Variants in INTU observed in about 807,000 individuals in gnomAD.
INTU encodes protein inturned.
A neutral mutation model predicts 100.5 loss-of-function variants in INTU; 68 were observed. That is an observed-to-expected ratio of 0.68 (90% CI 0.56 to 0.83). INTU has a LOEUF of 0.83. INTU is among the 40% of genes least tolerant of loss of function. The pLI is 0.00. For synonymous variants in INTU, 357 were observed against 395.7 expected (o/e 0.90, Z 1.16); for missense variants, 1,071 against 1,114.7 (o/e 0.96, Z 0.56).
rs140878220 is a variant in INTU at position 127,706,578 on chromosome 4, A to G, written c.1880A>G (p.Gln627Arg). The change falls in exon 12 of 16, where the codon CAA becomes CGA. Residue 627 changes from glutamine (Q) to arginine (R), a missense_variant. Transcript: ENST00000335251. ...SPGPDCVYVD[Q>R]VKTTLHQLDG... ...GGACCAGACTGTGTATATGTGGATCAAGTCAAAACAACTCTTCACCAGCTG... is the reference window on the plus strand; with the variant it reads ...GGACCAGACTGTGTATATGTGGATCGAGTCAAAACAACTCTTCACCAGCTG... 698 of 1,614,060 alleles carry G rather than the reference A, an allele frequency of 4.3e-4. 4 individuals carry two copies. In the South Asian group the frequency reaches 5.1e-3, roughly 12 times the overall value.
chr4:127,669,051 C>G lies in INTU; in HGVS notation c.988C>G (p.His330Asp). The change falls in exon 5 of 16, where the codon CAT (histidine) becomes GAT (aspartate). Residue 330 changes from histidine (H) to aspartate (D), a missense_variant. Transcript: ENST00000335251. Reference sequence around the variant, plus strand: ...CATTTAACAGCAGGAAATTCTTTATCATTATCCAATGTCTGAAGCATCTCA... The same window carrying G: ...CATTTAACAGCAGGAAATTCTTTATGATTATCCAATGTCTGAAGCATCTCA... The part of the protein sequence containing the change: ...TSKEEQEILY[H>D]YPMSEASQKL... 1.4e-6 allele frequency: 2 copies of G among 1,473,934 alleles called. No individual in the cohort carries two copies. The highest frequency in any genetic ancestry group is 1.9e-6 in the Non-Finnish European group (2 of 1,081,006). 91.3% of individuals were successfully genotyped at this position (1,473,934 alleles called of 1,614,324 possible).
intron 1 of INTU, among the ~76,000 whole-genome samples, chr4:127,635,798 A>G (rs1191663087): frequency 6.6e-6 from 1 of 152,206 alleles, no homozygotes; most frequent in African/African-American, 2.4e-5. Context: ...TACCTACTTA[A>G]GTCCATTTAT....
chr4:127,664,591 A>G (rs964390778), intron 4 of INTU, among the ~76,000 whole-genome samples: 1 of 152,082 alleles, frequency 6.6e-6, no homozygotes, highest in Non-Finnish European at 1.5e-5. Flanking sequence ...GGAGAAAACT[A>G]AACTTTTTGA....
At chr4:127,709,355 A>G (rs972596309) in intron 13 of INTU, among the ~76,000 whole-genome samples, 4 of 152,054 alleles carry the variant, frequency 2.6e-5, no homozygotes, top group African/African-American at 9.7e-5. Context: ...GTTTTTCCCA[A>G]GAGTACTTCC....
At chr4:127,657,945 A>C (rs934715540) in intron 3 of INTU, among the ~76,000 whole-genome samples, 3 of 152,190 alleles carry the variant, frequency 2.0e-5, no homozygotes, top group Non-Finnish European at 4.4e-5. Flanking sequence ...ATCGTCTTGC[A>C]TGAAACCAGG....
intron 14 of INTU, among the ~76,000 whole-genome samples, chr4:127,711,816 G>A (rs945184885): frequency 2.0e-5 from 3 of 152,180 alleles, no homozygotes; most frequent in African/African-American, 7.2e-5. Context: ...GGACTGCTGG[G>A]TTAAGGTACA....
At chr4:127,696,960 C>A (rs1730419084) in intron 8 of INTU, among the ~76,000 whole-genome samples, 1 of 152,102 alleles carries the variant, frequency 6.6e-6, no homozygotes, top group Non-Finnish European at 1.5e-5. Flanking sequence ...TATTAAACCT[C>A]ACTGTTTTAG....
intron 8 of INTU, chr4:127,699,524 T>C (rs1730552234): frequency 6.6e-6 from 1 of 152,228 alleles, no homozygotes; most frequent in South Asian, 2.1e-4. Context: ...CAGGGAAGAA[T>C]GTTGATATTT....
intron 9 of INTU, among the ~76,000 whole-genome samples, chr4:127,701,846 C>T (rs891078751): frequency 6.6e-6 from 1 of 152,018 alleles, no homozygotes; most frequent in African/African-American, 2.4e-5. Context: ...AGAAGATCGC[C>T]AGTGAAAGTG....
At position 127,712,761 on chromosome 4, in the gene INTU, T is replaced by G. The variant is rs146105090; in HGVS notation, c.2560-1175T>G. Among the ~76,000 whole-genome samples, 946 of 152,308 alleles carry G rather than the reference T, an allele frequency of 6.2e-3. 13 individuals carry two copies. The highest frequency in any genetic ancestry group is 0.022 in the African/African-American group (905 of 41,576). On this transcript the variant is annotated intron_variant, in intron 14 of 15. Transcript: ENST00000335251. ...CCATGTGGCTCTCTGGGGACAGAGC[T>G]TCCAGCAAGGGGAACAGCAAATGCA...
At chr4:127,655,537 G>A (rs1250939954) in intron 2 of INTU, among the ~76,000 whole-genome samples, 3 of 151,582 alleles carry the variant, frequency 2.0e-5, no homozygotes, top group Admixed American at 2.0e-4. Context: ...GGCTGCTCGG[G>A]GGTCAGGGGT....
chr4:127,648,370 G>C (rs375710870), intron 2 of INTU, among the ~76,000 whole-genome samples: 85 of 152,160 alleles, frequency 5.6e-4, no homozygotes, highest in African/African-American at 2.0e-3. Flanking sequence ...TCATAGAATG[G>C]GAAAATTTTC....
At chr4:127,650,635 G>A (rs566274677) in intron 2 of INTU, among the ~76,000 whole-genome samples, 13 of 151,934 alleles carry the variant, frequency 8.6e-5, no homozygotes, top group African/African-American at 2.9e-4. Flanking sequence ...GGACATTTGG[G>A]TTGGTTCCAA....
Position 127,710,868 on chromosome 4 carries a change from A to G in INTU, c.2370-45A>G, listed in dbSNP as rs2305956. The G allele has an allele frequency of 0.22, 276,814 of 1,249,924 alleles. 32,950 individuals are homozygous for G. The highest frequency in any genetic ancestry group is 0.37 in the Middle Eastern group (1,819 of 4,912). 77.4% of individuals were successfully genotyped at this position (1,249,924 alleles called of 1,614,324 possible). A position where few individuals can be genotyped will look rare whatever the true frequency, so the allele number is the denominator to read the frequency against. On this transcript the variant is annotated intron_variant, in intron 13 of 15. Coordinates refer to ENST00000335251, the MANE Select transcript of INTU (RefSeq NM_015693.4). The stretch of plus-strand genomic sequence containing the variant: ...AAAATGAACCAATATTTTAAAATTT[A>G]CTAAAATTTCTTTTTTCTTCTCTTT...
chr4:127,674,259 T>A, intron 6 of INTU, 46 bp downstream of exon 6: 2 of 1,390,714 alleles, frequency 1.4e-6, no homozygotes, highest in Non-Finnish European at 2.0e-6. Context: ...CAAATAATGT[T>A]AACTTTTGTT....
chr4:127,655,884 G>T (rs527330996), intron 2 of INTU, among the ~76,000 whole-genome samples: 25 of 152,336 alleles, frequency 1.6e-4, no homozygotes, highest in South Asian at 6.2e-4. Flanking sequence ...GACTCCGTGG[G>T]CGTAGGACCC....
chr4:127,647,236 C>T (rs1334784373), intron 2 of INTU, among the ~76,000 whole-genome samples: 2 of 152,186 alleles, frequency 1.3e-5, no homozygotes, highest in East Asian at 3.8e-4. Context: ...TGGTTTAAAA[C>T]AATACAGATT....
chr4:127,653,843 AT>A (rs1728035274), intron 2 of INTU, among the ~76,000 whole-genome samples: 2 of 151,492 alleles, frequency 1.3e-5, no homozygotes, highest in African/African-American at 4.9e-5. Context: ...CCCATTATTA[AT>A]GTGTGGGAGT....
At chr4:127,663,906 A>G (rs1728585975) in intron 4 of INTU, among the ~76,000 whole-genome samples, 1 of 152,088 alleles carries the variant, frequency 6.6e-6, no homozygotes. Context: ...TGTTTCCTTG[A>G]ATTATTACTT....
Sources: allele counts gnomAD v4.1 joint callset (sites outside exome capture counted in the v4.1 genomes callset), GRCh38; gene constraint gnomAD v4.1.1; transcripts MANE v1.5; gene names NCBI Gene and HGNC (gene_info 2026-07-23, HGNC 2026-07-21).